The following FAM135B variants were observed in gnomAD, a reference collection of about 807,000 sequenced individuals.
FAM135B encodes family with sequence similarity 135 member B, also known as protein FAM135B.
FAM135B carries 43 observed loss-of-function variants against 127.7 expected under a neutral mutation model. The observed-to-expected ratio is 0.34, with a 90% CI of 0.26 to 0.43. FAM135B has a LOEUF of 0.43. Among genes scored for constraint, FAM135B ranks in the 20% least tolerant of loss-of-function variants. The pLI, the probability that FAM135B is intolerant of heterozygous loss-of-function variation, is 1.00. For synonymous variants in FAM135B, 670 were observed against 665.1 expected, an observed-to-expected ratio of 1.01 and a Z score of -0.11; for missense variants, 1,558 against 1,725.6, an observed-to-expected ratio of 0.90 and a Z score of 1.72.
intron 1 of FAM135B, among the ~76,000 whole-genome samples, chr8:138,456,430 C>A (rs1836780634): frequency 6.6e-6 from 1 of 152,150 alleles, no homozygotes. Context: ...GAAGTATTTT[C>A]ATTGGGAGAC....
At chr8:138,286,301 C>T (rs975567631) in intron 3 of FAM135B, among the ~76,000 whole-genome samples, 2 of 152,208 alleles carry the variant, frequency 1.3e-5, no homozygotes, top group Non-Finnish European at 2.9e-5. Context: ...AAAACCATGG[C>T]TCTTGGACCC....
intron 3 of FAM135B, among the ~76,000 whole-genome samples, chr8:138,274,764 A>G (rs1828604): frequency 0.97 from 148,023 of 152,256 alleles, 72,067 homozygotes; most frequent in East Asian, 1. Context: ...AGAATTCAGC[A>G]ATATTTCTCC....
chr8:138,428,177 A>G (rs1358258660), intron 1 of FAM135B, among the ~76,000 whole-genome samples: 2 of 152,180 alleles, frequency 1.3e-5, no homozygotes, highest in African/African-American at 4.8e-5. Context: ...AAATAAAATA[A>G]ACTAACAGTA....
intron 1 of FAM135B, among the ~76,000 whole-genome samples, chr8:138,383,931 T>A (rs1832027373): frequency 6.6e-6 from 1 of 152,188 alleles, no homozygotes; most frequent in African/African-American, 2.4e-5. Context: ...TCCCTCTGAA[T>A]CTTTTCCTAG....
chr8:138,163,602 C>G (rs1819619134), intron 12 of FAM135B, among the ~76,000 whole-genome samples: 1 of 152,128 alleles, frequency 6.6e-6, no homozygotes, highest in Non-Finnish European at 1.5e-5. Flanking sequence ...TCACTTGGCT[C>G]TCATTCTCTC....
At chr8:138,352,174 C>G (rs1192665935) in intron 2 of FAM135B, among the ~76,000 whole-genome samples, 1 of 152,066 alleles carries the variant, frequency 6.6e-6, no homozygotes, top group Non-Finnish European at 1.5e-5. Context: ...ACAGTTTCAC[C>G]CAGGCAATGA....
intron 7 of FAM135B, among the ~76,000 whole-genome samples, chr8:138,212,298 A>C (rs1818205215): frequency 6.6e-6 from 1 of 152,236 alleles, no homozygotes; most frequent in Admixed American, 6.5e-5. Context: ...CTAAAGTAGA[A>C]AGAGGGATGC....
chr8:138,240,677 G>T (rs978945973), intron 7 of FAM135B, among the ~76,000 whole-genome samples: 1 of 152,182 alleles, frequency 6.6e-6, no homozygotes. Flanking sequence ...AATGCCTAGA[G>T]AATTGAAGAG....
intron 9 of FAM135B, among the ~76,000 whole-genome samples, chr8:138,188,851 C>A (rs763212934): frequency 3.9e-5 from 6 of 152,154 alleles, no homozygotes; most frequent in African/African-American, 7.2e-5. Flanking sequence ...CTGGAGTCAG[C>A]CTTTTCCTGG....
intron 7 of FAM135B, among the ~76,000 whole-genome samples, chr8:138,238,765 G>A (rs1820502595): frequency 6.6e-6 from 1 of 152,228 alleles, no homozygotes; most frequent in Non-Finnish European, 1.5e-5. Flanking sequence ...CAGGGGAGGT[G>A]GAGGGAGTGG....
chr8:138,428,053 G>T (rs1423819636), intron 1 of FAM135B, among the ~76,000 whole-genome samples: 2 of 152,052 alleles, frequency 1.3e-5, no homozygotes, highest in East Asian at 3.9e-4. Context: ...ATCATAATAG[G>T]CTTCCATTAG....
chr8:138,158,953 A>C (rs1387054474), intron 12 of FAM135B, among the ~76,000 whole-genome samples: 4 of 152,194 alleles, frequency 2.6e-5, no homozygotes, highest in Admixed American at 6.5e-5. Flanking sequence ...TATACACCCA[A>C]AGGATTATAA....
chr8:138,341,797 T>C (rs1829066446), intron 2 of FAM135B, among the ~76,000 whole-genome samples: 3 of 152,026 alleles, frequency 2.0e-5, no homozygotes, highest in Non-Finnish European at 4.4e-5. Flanking sequence ...GACAAATGTC[T>C]TAATCCAGCA....
intron 7 of FAM135B, among the ~76,000 whole-genome samples, chr8:138,214,726 C>A: frequency 6.6e-6 from 1 of 152,018 alleles, no homozygotes; most frequent in East Asian, 1.9e-4. Flanking sequence ...AAAATTGATA[C>A]GATTCTAGCA....
intron 1 of FAM135B, among the ~76,000 whole-genome samples, chr8:138,481,309 T>G (rs559046625): frequency 2.7e-4 from 41 of 152,382 alleles, no homozygotes; most frequent in African/African-American, 9.1e-4. Flanking sequence ...AGTCTTGTTA[T>G]CTCCATTTTA....
chr8:138,143,653 A>G (rs1186208833), intron 15 of FAM135B, among the ~76,000 whole-genome samples: 1 of 152,222 alleles, frequency 6.6e-6, no homozygotes, highest in Non-Finnish European at 1.5e-5. Context: ...ATGTCCTTGA[A>G]TATTTGAAGG....
intron 9 of FAM135B, among the ~76,000 whole-genome samples, chr8:138,194,924 C>T (rs1816485808): frequency 6.6e-6 from 1 of 152,234 alleles, no homozygotes; most frequent in African/African-American, 2.4e-5. Flanking sequence ...GTACAAGATT[C>T]TGTCATCCAC....
At chr8:138,443,558 T>C (rs559409031) in intron 1 of FAM135B, among the ~76,000 whole-genome samples, 1 of 152,278 alleles carries the variant, frequency 6.6e-6, no homozygotes, top group South Asian at 2.1e-4. Flanking sequence ...ATCCAAGACA[T>C]CCTTATTTTC....
chr8:138,425,705 C>T (rs928348695), intron 1 of FAM135B, among the ~76,000 whole-genome samples: 1 of 152,004 alleles, frequency 6.6e-6, no homozygotes, highest in Admixed American at 6.6e-5. Flanking sequence ...TTCATCCTGG[C>T]TTCAACTCTT....
Sources: gnomAD v4.1 joint callset for allele counts (sites outside exome capture counted in the v4.1 genomes callset) on GRCh38, gnomAD v4.1.1 for gene constraint, MANE v1.5 for transcripts, NCBI Gene and HGNC (gene_info 2026-07-23, HGNC 2026-07-21) for gene names.